Variants in PLEKHA7 observed in about 807,000 individuals in gnomAD.
PLEKHA7 encodes pleckstrin homology domain-containing family A member 7.
A neutral mutation model predicts 170.0 loss-of-function variants in PLEKHA7; 104 were observed. That is an observed-to-expected ratio of 0.61 (90% CI 0.52 to 0.72). The LOEUF is 0.72. PLEKHA7 is among the 30% of genes least tolerant of loss of function. PLEKHA7 has a pLI of 0.00. For missense variants in PLEKHA7, 1,615 were observed against 1,671.7 expected (o/e 0.97, Z 0.59); for synonymous variants, 648 against 660.8 (o/e 0.98, Z 0.30).
At chr11:16,841,488 T>A (rs1440655778) in intron 9 of PLEKHA7, 59 bp downstream of exon 9, 17 of 1,557,428 alleles carry the variant, frequency 1.1e-5, no homozygotes, top group Non-Finnish European at 1.4e-5. Context: ...AGAGGACCTA[T>A]CTGGGTCCCA....
chr11:16,833,314 A>G (rs1396598988), intron 9 of PLEKHA7, among the ~76,000 whole-genome samples: 2 of 152,184 alleles, frequency 1.3e-5, no homozygotes, highest in African/African-American at 4.8e-5. Flanking sequence ...CTGCCTCAGT[A>G]GAGCAGCTAT....
chr11:16,791,807 C>G lies in PLEKHA7; in HGVS notation c.2746-608G>C. On this transcript the variant is annotated intron_variant, in intron 19 of 26. Coordinates refer to ENST00000531066, the MANE Select transcript of PLEKHA7 (RefSeq NM_001329630.2). The surrounding 1 kb of genome is among the most constrained non-coding windows in gnomAD (Gnocchi z 4.5). ...GATGAGTGACTCACTGCCTACCATG[C>G]AGTTCATTCCCTAGAATGTGATGAA... The G allele has an allele frequency of 5.0e-6, 2 of 396,774 alleles. No individual in the cohort carries two copies. The highest frequency in any genetic ancestry group is 3.7e-5 in the South Asian group (2 of 53,838). 24.6% of individuals were successfully genotyped at this position (396,774 alleles called of 1,614,324 possible).
In PLEKHA7 at chr11:16,855,881, G is replaced by C. The variant is rs751692268; in HGVS notation, c.339C>G (p.Asn113Lys). 3.7e-6 allele frequency: 6 copies of C among 1,614,206 alleles called. No homozygotes were observed. In the East Asian group the frequency reaches 8.9e-5, roughly 24 times the overall value. The change falls in exon 5 of 27, where the codon AAC (asparagine) becomes AAG (lysine). Residue 113 changes from asparagine to lysine, a missense_variant. Coordinates refer to ENST00000531066, the MANE Select transcript of PLEKHA7 (RefSeq NM_001329630.2). ...PNPHMSKQDR[N>K]QRPSSMVSET... ...CACTGACCATGCTGGACGGTCTTTGGTTTCTGTCTTGCTTCGACATATGTG... is the reference window on the plus strand; with the variant it reads ...CACTGACCATGCTGGACGGTCTTTGCTTTCTGTCTTGCTTCGACATATGTG...
At chr11:16,857,690 CA>C (rs1228454192) in intron 4 of PLEKHA7, among the ~76,000 whole-genome samples, 1 of 151,940 alleles carries the variant, frequency 6.6e-6, no homozygotes, top group Non-Finnish European at 1.5e-5. Context: ...GGTCCAACGA[CA>C]AAAAAGATTT....
chr11:16,959,162 C>T (rs1326745039), intron 3 of PLEKHA7, among the ~76,000 whole-genome samples: 3 of 152,110 alleles, frequency 2.0e-5, no homozygotes, highest in Non-Finnish European at 2.9e-5. Flanking sequence ...ATGGGTTTGT[C>T]GTACAGATTA....
chr11:16,832,827 G>C (rs1851221227), intron 9 of PLEKHA7, among the ~76,000 whole-genome samples: 1 of 152,170 alleles, frequency 6.6e-6, no homozygotes, highest in South Asian at 2.1e-4. Context: ...ATCTGAGCCA[G>C]GCCAGATGAT....
chr11:16,804,316 C>A (rs569824276), intron 13 of PLEKHA7, among the ~76,000 whole-genome samples: 1 of 152,268 alleles, frequency 6.6e-6, no homozygotes, highest in African/African-American at 2.4e-5. Flanking sequence ...GTGTGCTATG[C>A]AGAGAGGTCC....
intron 8 of PLEKHA7, among the ~76,000 whole-genome samples, chr11:16,849,925 C>A (rs1264915080): frequency 6.6e-6 from 1 of 152,182 alleles, no homozygotes; most frequent in Non-Finnish European, 1.5e-5. Flanking sequence ...TGAGTAAAGC[C>A]ACAGCATCAG....
chr11:16,975,914 A>T (rs1424950736), intron 3 of PLEKHA7, among the ~76,000 whole-genome samples: 2 of 152,232 alleles, frequency 1.3e-5, no homozygotes, highest in Non-Finnish European at 2.9e-5. Context: ...CTAGCAAAGT[A>T]TTGTGTGTGG....
At chr11:16,920,354 G>A (rs1160747696) in intron 3 of PLEKHA7, among the ~76,000 whole-genome samples, 1 of 152,156 alleles carries the variant, frequency 6.6e-6, no homozygotes, top group Non-Finnish European at 1.5e-5. Context: ...CCTGTTCCAA[G>A]GGAGGAAATT....
chr11:16,871,426 G>A (rs1311642889), intron 3 of PLEKHA7, among the ~76,000 whole-genome samples: 1 of 152,088 alleles, frequency 6.6e-6, no homozygotes, highest in African/African-American at 2.4e-5. Context: ...AGGAAGTCTT[G>A]GCTCCAAGAG....
At chr11:16,827,674 A>G (rs1850764289) in intron 9 of PLEKHA7, among the ~76,000 whole-genome samples, 1 of 152,106 alleles carries the variant, frequency 6.6e-6, no homozygotes, top group Non-Finnish European at 1.5e-5. Flanking sequence ...CATCCTGATC[A>G]CCTGGCACCA....
chr11:17,012,291 C>T (rs1865364135), intron 3 of PLEKHA7, among the ~76,000 whole-genome samples: 1 of 142,420 alleles, frequency 7.0e-6, no homozygotes, highest in African/African-American at 3.1e-5. Context: ...TTACCTTTCT[C>T]CTACCTGTGA....
At position 16,816,247 on chromosome 11, in the gene PLEKHA7, G is replaced by A; in HGVS notation, c.1884C>T (p.Asp628=). The A allele has an allele frequency of 6.2e-7, 1 of 1,613,358 alleles. No homozygotes were observed. The highest frequency in any genetic ancestry group is 8.5e-7 in the Non-Finnish European group (1 of 1,179,456). The change falls in exon 12 of 27, where the codon GAC becomes GAT. Residue 628 remains aspartate, a synonymous_variant. Transcript: ENST00000531066. The part of the protein sequence containing the change: ...GHAVKNSSHV[D]RRSMPSMGYM... ...AACCCATGGAGGGCATGGAGCGTCG[G>A]TCCACATGAGATGAGTTCTGCAAGT...
chr11:16,806,196 G>A (rs775945404), intron 13 of PLEKHA7, among the ~76,000 whole-genome samples: 3 of 152,194 alleles, frequency 2.0e-5, no homozygotes, highest in Non-Finnish European at 4.4e-5. Flanking sequence ...TGGACGAAAG[G>A]TCACAGGCTT....
intron 17 of PLEKHA7, among the ~76,000 whole-genome samples, chr11:16,800,461 AC>A (rs1215149238): frequency 6.6e-6 from 1 of 152,172 alleles, no homozygotes; most frequent in Non-Finnish European, 1.5e-5. Flanking sequence ...GATGGGCATC[AC>A]CCAGCCTGGC....
intron 3 of PLEKHA7, among the ~76,000 whole-genome samples, chr11:16,885,622 C>G (rs533505359): frequency 5.3e-5 from 7 of 133,196 alleles, no homozygotes; most frequent in Admixed American, 4.8e-4. Context: ...CAGAATTTTC[C>G]CTGTCACAAA....
In PLEKHA7 at chr11:16,942,729, G is replaced by A. The variant is rs79419721; in HGVS notation, c.221+71260C>T. ...CCACAGTTTAAAAATGAATTGCTGCGGCCGCTGTAAACTGCTGTCTTCTGG... is the reference window on the plus strand; with the variant it reads ...CCACAGTTTAAAAATGAATTGCTGCAGCCGCTGTAAACTGCTGTCTTCTGG... On this transcript the variant is annotated intron_variant, in intron 3 of 26. Coordinates refer to ENST00000531066, the MANE Select transcript of PLEKHA7 (RefSeq NM_001329630.2). Among the ~76,000 whole-genome samples, 225 of 152,316 alleles carry A rather than the reference G, an allele frequency of 1.5e-3. 2 individuals carry two copies. The highest frequency in any genetic ancestry group is 5.0e-3 in the African/African-American group (206 of 41,566).
At chr11:17,006,551 C>G (rs546697372) in intron 3 of PLEKHA7, among the ~76,000 whole-genome samples, 1 of 148,680 alleles carries the variant, frequency 6.7e-6, no homozygotes, top group Non-Finnish European at 1.5e-5. Context: ...TCGCTTGAAC[C>G]CGGGAAGCAG....
Sources: gnomAD v4.1 joint callset for allele counts (sites outside exome capture counted in the v4.1 genomes callset) on GRCh38, gnomAD v4.1.1 for gene constraint, Gnocchi (gnomAD v3.1) non-coding constraint, MANE v1.5 for transcripts, NCBI Gene and HGNC (gene_info 2026-07-23, HGNC 2026-07-21) for gene names.